PIEZO2: variants seen among roughly 807,000 people sequenced by gnomAD.
PIEZO2 encodes the protein piezo-type mechanosensitive ion channel component 2.
Under a neutral mutation model 337.3 loss-of-function variants are expected in PIEZO2, and 172 were observed. The ratio of observed to expected loss-of-function variants is 0.51; its 90% CI spans 0.45 to 0.58. PIEZO2 has a LOEUF of 0.58. PIEZO2 is among the 20% of genes least tolerant of loss of function. PIEZO2 has a pLI of 0.00. For synonymous variants in PIEZO2, 1,251 were observed against 1,228.5 expected (o/e 1.02, Z -0.38); for missense variants, 3,028 against 3,391.3 (o/e 0.89, Z 2.66).
chr18:10,733,647 A>G (rs2036879596), intron 35 of PIEZO2, among the ~76,000 whole-genome samples: 3 of 152,042 alleles, frequency 2.0e-5, no homozygotes, highest in Middle Eastern at 3.4e-3. Flanking sequence ...ACGGGGTTTC[A>G]CTGTGTTAGC....
At chr18:10,786,234 G>T (rs1383201694) in intron 16 of PIEZO2, among the ~76,000 whole-genome samples, 2 of 152,138 alleles carry the variant, frequency 1.3e-5, no homozygotes, top group Non-Finnish European at 2.9e-5. Flanking sequence ...AAGTATAATA[G>T]ACTTATTTTA....
rs2034725138 is a variant in PIEZO2 at position 10,982,919 on chromosome 18, C to T, written c.161-3259G>A. Among the ~76,000 whole-genome samples the T allele has an allele frequency of 1.3e-5, 2 of 152,004 alleles. No individual in the cohort carries two copies. The highest frequency in any genetic ancestry group is 4.1e-4 in the South Asian group (2 of 4,822). Reference sequence around the variant, plus strand: ...TATTTTTGGTAGAGATGGGGTTTTGCCATGTTGGCCAGTTTGGTCTCAAAC... The same window carrying T: ...TATTTTTGGTAGAGATGGGGTTTTGTCATGTTGGCCAGTTTGGTCTCAAAC... On this transcript the variant is annotated intron_variant, in intron 2 of 55. Transcript: ENST00000674853. The surrounding 1 kb of genome is among the most constrained non-coding windows in gnomAD (Gnocchi z 4.1).
chr18:11,008,430 C>T lies in PIEZO2; in HGVS notation c.161-28770G>A, dbSNP rs146190848. Among the ~76,000 whole-genome samples the T allele has an allele frequency of 4.1e-3, 626 of 152,306 alleles. 7 individuals are homozygous for T. The Middle Eastern group carries it at 0.068, about 17-fold the overall frequency. The stretch of plus-strand genomic sequence containing the variant: ...GTCAGCTGCTAGTTAACCCTCAGGA[C>T]GACCTAACTTCCTGGCCAACTGCAC... On this transcript the variant is annotated intron_variant, in intron 2 of 55. Coordinates refer to ENST00000674853, the MANE Select transcript of PIEZO2 (RefSeq NM_001378183.1).
At position 10,979,877 on chromosome 18, in the gene PIEZO2, G is replaced by C. The variant is rs1267944810; in HGVS notation, c.161-217C>G. On this transcript the variant is annotated intron_variant, in intron 2 of 55. Coordinates refer to ENST00000674853, the MANE Select transcript of PIEZO2 (RefSeq NM_001378183.1). The surrounding 1 kb of genome is among the most constrained non-coding windows in gnomAD (Gnocchi z 4.0). ...GGTTTATATTTATTAAAAATTCACT[G>C]TAAAAGAAGGATAATTTCCTATTTA... is the stretch of plus-strand genomic sequence containing the variant. Among the ~76,000 whole-genome samples, 1 of 152,096 alleles carries C rather than the reference G, an allele frequency of 6.6e-6. No homozygotes were observed. Among genetic ancestry groups the C allele is most frequent in the Admixed American group, 6.6e-5 (1 of 15,262 alleles).
chr18:10,790,615 C>T (rs2039375584), intron 14 of PIEZO2, among the ~76,000 whole-genome samples: 1 of 151,942 alleles, frequency 6.6e-6, no homozygotes. Context: ...CCAGTACTCA[C>T]TAGAAGTATG....
rs548920833 is a variant in PIEZO2 at position 10,707,853 on chromosome 18, T to G, written c.5588+422A>C. On this transcript the variant is annotated intron_variant, in intron 40 of 55. Coordinates refer to ENST00000674853, the MANE Select transcript of PIEZO2 (RefSeq NM_001378183.1). The surrounding 1 kb of genome is among the most constrained non-coding windows in gnomAD (Gnocchi z 4.2). ...TGACTACCTATGATAGATTTTTAGA[T>G]TTTTTTCCTACTGCATGCATCTTTT... Among the ~76,000 whole-genome samples, 1 of 152,196 alleles carries G rather than the reference T, an allele frequency of 6.6e-6. No homozygotes were observed. Among genetic ancestry groups the G allele is most frequent in the Non-Finnish European group, 1.5e-5 (1 of 68,026 alleles).
chr18:11,004,159 T>C lies in PIEZO2; in HGVS notation c.161-24499A>G, dbSNP rs374828346. On this transcript the variant is annotated intron_variant, in intron 2 of 55. Coordinates refer to ENST00000674853, the MANE Select transcript of PIEZO2 (RefSeq NM_001378183.1). ...AGGGATCTATGAGAAGCACATGGGT[T>C]AGAGGTGTGAGTAGTGACACCCCTG... 1.1e-4 allele frequency among the ~76,000 whole-genome samples: 16 copies of C among 152,298 alleles called. No individual in the cohort carries two copies. The South Asian group carries it at 2.5e-3, about 24-fold the overall frequency.
chr18:11,098,244 TACACACACACACACAC>T (rs150739388), intron 1 of PIEZO2, among the ~76,000 whole-genome samples: 4 of 145,644 alleles, frequency 2.7e-5, no homozygotes, highest in Non-Finnish European at 3.0e-5. Flanking sequence ...AGAAGCAAGA[TACACACACACACACAC>T]ACACACACAC....
At chr18:10,958,692 A>G (rs1481135665) in intron 3 of PIEZO2, among the ~76,000 whole-genome samples, 1 of 152,176 alleles carries the variant, frequency 6.6e-6, no homozygotes, top group Non-Finnish European at 1.5e-5. Context: ...AATTTAAACA[A>G]CAATAATGCC....
chr18:10,728,518 T>C (rs545686963), intron 36 of PIEZO2: 5 of 152,310 alleles, frequency 3.3e-5, no homozygotes, highest in African/African-American at 1.2e-4. Flanking sequence ...GTGAGAGGAT[T>C]GAATAAATTA....
In PIEZO2 at chr18:11,032,460, C is replaced by T. The variant is rs1337740326; in HGVS notation, c.160+33667G>A. ...GCTCTTGCTCTATTAGAATACGGAG[C>T]TATTCTTGGCATGCTCTCGAGTAAG... On this transcript the variant is annotated intron_variant, in intron 2 of 55. Coordinates refer to ENST00000674853, the MANE Select transcript of PIEZO2 (RefSeq NM_001378183.1). The surrounding 1 kb of genome is among the most constrained non-coding windows in gnomAD (Gnocchi z 4.9). Among the ~76,000 whole-genome samples the T allele has an allele frequency of 1.3e-5, 2 of 152,162 alleles. No individual in the cohort carries two copies. The highest frequency in any genetic ancestry group is 1.5e-5 in the Non-Finnish European group (1 of 68,034).
chr18:11,123,390 G>A (rs563534133), intron 1 of PIEZO2, among the ~76,000 whole-genome samples: 13 of 152,286 alleles, frequency 8.5e-5, no homozygotes, highest in Non-Finnish European at 1.5e-4. Context: ...AGAAAAATCT[G>A]CCATATGCTG....
At chr18:10,860,154 A>T (rs936634224) in intron 5 of PIEZO2, among the ~76,000 whole-genome samples, 1 of 151,962 alleles carries the variant, frequency 6.6e-6, no homozygotes, top group Non-Finnish European at 1.5e-5. Context: ...AGTGTTGGAG[A>T]GGGGCTGGAG....
intron 37 of PIEZO2, among the ~76,000 whole-genome samples, chr18:10,717,165 GT>G (rs2036044428): frequency 1.3e-5 from 2 of 152,216 alleles, no homozygotes; most frequent in South Asian, 4.1e-4. Flanking sequence ...TCAGTTCCCT[GT>G]TTTGAGAGAG....
intron 3 of PIEZO2, among the ~76,000 whole-genome samples, chr18:10,955,694 A>T (rs1303674439): frequency 1.3e-5 from 2 of 152,200 alleles, no homozygotes; most frequent in Non-Finnish European, 2.9e-5. Flanking sequence ...CTTCCATTTT[A>T]TCATAACTTA....
chr18:10,871,125 G>T, intron 5 of PIEZO2, 128 bp downstream of exon 5: 1 of 995,846 alleles, frequency 1.0e-6, no homozygotes, highest in Non-Finnish European at 1.4e-6. Context: ...GACAGTAAAC[G>T]TTTATGTCAA....
Position 10,853,633 on chromosome 18 carries a change from G to A in PIEZO2, c.917+1720C>T, listed in dbSNP as rs1195021044. ...TGAACCTTTCCTCATGCAAAGAAAAGTTCAAATAGGACAGTGGATAACCCT... is the reference window on the plus strand; with the variant it reads ...TGAACCTTTCCTCATGCAAAGAAAAATTCAAATAGGACAGTGGATAACCCT... On this transcript the variant is annotated intron_variant, in intron 7 of 55. Transcript: ENST00000674853. The surrounding 1 kb of genome is among the most constrained non-coding windows in gnomAD (Gnocchi z 4.2). Among the ~76,000 whole-genome samples the A allele has an allele frequency of 6.6e-6, 1 of 152,114 alleles. No individual in the cohort carries two copies. Among genetic ancestry groups the A allele is most frequent in the Non-Finnish European group, 1.5e-5 (1 of 68,012 alleles).
At chr18:11,055,964 C>T (rs143402611) in intron 2 of PIEZO2, among the ~76,000 whole-genome samples, 15 of 152,314 alleles carry the variant, frequency 9.8e-5, no homozygotes, top group Admixed American at 1.3e-4. Context: ...AAAGACCTTC[C>T]GAGATCTGGT....
chr18:11,131,546 G>A lies in PIEZO2; in HGVS notation c.64+16979C>T, dbSNP rs1429975661. Among the ~76,000 whole-genome samples the A allele has an allele frequency of 2.6e-5, 4 of 152,200 alleles. No homozygotes were observed. Among genetic ancestry groups the A allele is most frequent in the Admixed American group, 2.6e-4 (4 of 15,282 alleles). On this transcript the variant is annotated intron_variant, in intron 1 of 55. Coordinates refer to ENST00000674853, the MANE Select transcript of PIEZO2 (RefSeq NM_001378183.1). This position sits in a 1 kb window ranked among gnomAD's most constrained non-coding sequence, Gnocchi z 5.3. ...TCTAGGAAATCCTTGAAGGACAGCGGTGAAGGGAAATCTTCCCAGTGGGCA... is the reference window on the plus strand; with the variant it reads ...TCTAGGAAATCCTTGAAGGACAGCGATGAAGGGAAATCTTCCCAGTGGGCA...
Sources: allele counts gnomAD v4.1 joint callset (sites outside exome capture counted in the v4.1 genomes callset), GRCh38; gene constraint gnomAD v4.1.1; non-coding constraint Gnocchi (gnomAD v3.1); transcripts MANE v1.5; gene names NCBI Gene and HGNC (gene_info 2026-07-23, HGNC 2026-07-21).